The following SCUBE1 variants were observed in gnomAD, a reference collection of about 807,000 sequenced individuals.
SCUBE1 encodes signal peptide, CUB and EGF-like domain-containing protein 1.
In SCUBE1, 59 loss-of-function variants were observed where a neutral mutation model predicts 124.4. The observed-to-expected ratio is 0.47, with a 90% CI of 0.38 to 0.59. SCUBE1 has a LOEUF of 0.59. SCUBE1 is among the 20% of genes least tolerant of loss of function. SCUBE1 has a pLI of 0.00. For synonymous variants in SCUBE1, 545 were observed against 550.9 expected (o/e 0.99, Z 0.15); for missense variants, 1,150 against 1,371.2 (o/e 0.84, Z 2.55).
chr22:43,293,461 G>GC (rs1361706265), intron 3 of SCUBE1, among the ~76,000 whole-genome samples: 2 of 152,232 alleles, frequency 1.3e-5, no homozygotes, highest in African/African-American at 4.8e-5. Context: ...CTGCGTCAGC[G>GC]CATGTGCTCA....
intron 4 of SCUBE1, among the ~76,000 whole-genome samples, chr22:43,266,191 C>T (rs960600229): frequency 4.6e-5 from 7 of 152,024 alleles, no homozygotes; most frequent in Admixed American, 1.3e-4. Context: ...CCTGAGATGC[C>T]CCAGTCAGGC....
At chr22:43,303,793 A>G (rs1409701954) in intron 3 of SCUBE1, among the ~76,000 whole-genome samples, 2 of 152,274 alleles carry the variant, frequency 1.3e-5, no homozygotes, top group East Asian at 1.9e-4. Flanking sequence ...AAGCTGATCA[A>G]CAATCCTACA....
At chr22:43,301,182 C>T (rs998960815) in intron 3 of SCUBE1, among the ~76,000 whole-genome samples, 3 of 152,160 alleles carry the variant, frequency 2.0e-5, no homozygotes, top group South Asian at 2.1e-4. Flanking sequence ...ACAACACATT[C>T]GCTCCCCTCC....
At chr22:43,309,441 C>T (rs192740971) in intron 3 of SCUBE1, among the ~76,000 whole-genome samples, 303 of 152,136 alleles carry the variant, frequency 2.0e-3, no homozygotes, top group Middle Eastern at 0.014. Flanking sequence ...CTTGAGGGCC[C>T]GAAATAAGGC....
rs142543952 is a variant in SCUBE1 at position 43,313,178 on chromosome 22, C to T, written c.349+6759G>A. On this transcript the variant is annotated intron_variant, in intron 3 of 21. Transcript: ENST00000360835. ...GCTCCCGAATCTCACTCAAGTAGGA[C>T]GGTCTACCCAGCACAAGGCTGGGCA... Among the ~76,000 whole-genome samples the T allele has an allele frequency of 6.0e-3, 917 of 152,284 alleles. 7 individuals are homozygous for T. The highest frequency in any genetic ancestry group is 0.019 in the African/African-American group (810 of 41,558).
chr22:43,285,322 T>C (rs1376138519), intron 4 of SCUBE1, among the ~76,000 whole-genome samples: 2 of 152,192 alleles, frequency 1.3e-5, no homozygotes, highest in Non-Finnish European at 2.9e-5. Context: ...CTCACCACCC[T>C]GCCTTGTTCC....
chr22:43,198,950 T>C lies in SCUBE1; in HGVS notation c.*5047A>G, dbSNP rs2039859486. ...GGGCAGTTTGTCTGTCTGTCTGCTG[T>C]CCGGGGCAGTTTTTCTGTCTGCTGT... On this transcript the variant is annotated 3_prime_UTR_variant, in exon 22 of 22. Transcript: ENST00000360835. 1 of 365,632 alleles carries C rather than the reference T, an allele frequency of 2.7e-6. No homozygotes were observed. The highest frequency in any genetic ancestry group is 5.3e-6 in the Non-Finnish European group (1 of 188,128). 22.6% of individuals were successfully genotyped at this position (365,632 alleles called of 1,614,324 possible).
chr22:43,225,727 T>C (rs971031396), intron 10 of SCUBE1, among the ~76,000 whole-genome samples: 5 of 152,014 alleles, frequency 3.3e-5, no homozygotes, highest in Non-Finnish European at 7.4e-5. Context: ...AGAAACTAAA[T>C]GTGTCAGCCT....
At chr22:43,333,986 T>C (rs1411648749) in intron 2 of SCUBE1, among the ~76,000 whole-genome samples, 1 of 152,226 alleles carries the variant, frequency 6.6e-6, no homozygotes, top group Non-Finnish European at 1.5e-5. Context: ...CGGGGCATGC[T>C]CTGCTGAGAG....
intron 1 of SCUBE1, among the ~76,000 whole-genome samples, chr22:43,342,867 C>A (rs1392542254): frequency 2.0e-5 from 3 of 151,772 alleles, no homozygotes; most frequent in African/African-American, 7.3e-5. Context: ...CCGCCCCGCC[C>A]AGGTCCGCAC....
chr22:43,229,536 G>A (rs1334013157), intron 8 of SCUBE1, among the ~76,000 whole-genome samples: 1 of 152,164 alleles, frequency 6.6e-6, no homozygotes, highest in Non-Finnish European at 1.5e-5. Flanking sequence ...ATCCACGCCT[G>A]CAGGAAACGG....
intron 6 of SCUBE1, among the ~76,000 whole-genome samples, chr22:43,250,770 C>T (rs1923412256): frequency 6.6e-6 from 1 of 152,206 alleles, no homozygotes; most frequent in African/African-American, 2.4e-5. Flanking sequence ...GCCTGCAGCT[C>T]AGGCCCCACT....
At chr22:43,257,518 G>A (rs1241230139) in intron 6 of SCUBE1, among the ~76,000 whole-genome samples, 1 of 152,218 alleles carries the variant, frequency 6.6e-6, no homozygotes, top group Non-Finnish European at 1.5e-5. Context: ...GGACCAGGAG[G>A]AAGGAGGTGA....
At chr22:43,231,440 A>C (rs1922547478) in intron 8 of SCUBE1, among the ~76,000 whole-genome samples, 1 of 152,228 alleles carries the variant, frequency 6.6e-6, no homozygotes, top group Non-Finnish European at 1.5e-5. Flanking sequence ...CCCACCTCCG[A>C]AGCCAGAGGA....
In SCUBE1 at chr22:43,221,202, G is replaced by C. The variant is rs769635416; in HGVS notation, c.1520C>G (p.Ala507Gly). The change falls in exon 13 of 22, where the codon GCA (alanine) becomes GGA (glycine). Residue 507 changes from alanine to glycine, a missense_variant. Physicochemically the swap from Ala to Gly is moderately conservative, Grantham distance 60. This residue lies in a region of SCUBE1 where 757 missense variants were observed against 840.9 expected (regional missense o/e 0.90). Coordinates refer to ENST00000360835, the MANE Select transcript of SCUBE1 (RefSeq NM_173050.5). ...CHLRPHSQAR[A>G]KETARQPLLD... ...CAGCGGCTGCCTGGCGGTCTCCTTT[G>C]CTCGTGCCTGGCTGTGGGGCCGGAG... 8 of 1,611,076 alleles carry C rather than the reference G, an allele frequency of 5.0e-6. No homozygotes were observed. Among genetic ancestry groups the C allele is most frequent in the Middle Eastern group, 1.7e-4 (1 of 6,048 alleles).
intron 16 of SCUBE1, among the ~76,000 whole-genome samples, chr22:43,213,848 T>TGCA (rs1921679974): frequency 6.6e-6 from 1 of 151,588 alleles, no homozygotes; most frequent in Non-Finnish European, 1.5e-5. Flanking sequence ...CCGAGTGCAG[T>TGCA]GCAGCGCTCA....
Position 43,218,287 on chromosome 22 carries a change from C to T in SCUBE1, c.1859G>A (p.Gly620Asp). The T allele has an allele frequency of 6.2e-7, 1 of 1,613,196 alleles. No homozygotes were observed. The highest frequency in any genetic ancestry group is 1.3e-5 in the African/African-American group (1 of 75,046). Residue 620 changes from glycine to aspartate, a missense_variant, in exon 15 of 22, where the codon GGC (glycine) becomes GAC (aspartate). Gly to Asp is a moderately conservative substitution (Grantham distance 94, BLOSUM62 -1). Transcript: ENST00000360835. ...AKALEGQGAC[G>D]AGQVLQDSKC... ...GCTGTCCTGTAGCACCTGGCCTGCG[C>T]CACATGCCCCCTGCCCCTCCAGCGC...
At chr22:43,232,269 G>T (rs1922585511) in intron 7 of SCUBE1, 1 of 194,568 alleles carries the variant, frequency 5.1e-6, no homozygotes, top group Non-Finnish European at 1.1e-5. Flanking sequence ...GGAGCAGGCA[G>T]GCACCACTTC....
intron 1 of SCUBE1, among the ~76,000 whole-genome samples, chr22:43,342,371 T>G (rs1429810436): frequency 6.6e-6 from 1 of 152,008 alleles, no homozygotes; most frequent in Non-Finnish European, 1.5e-5. Flanking sequence ...CTCTCCTCCC[T>G]GTGTCTGTCC....
Sources: allele counts gnomAD v4.1 joint callset (sites outside exome capture counted in the v4.1 genomes callset), GRCh38; gene constraint gnomAD v4.1.1; regional missense constraint gnomAD v4.1.1; transcripts MANE v1.5; gene names NCBI Gene and HGNC (gene_info 2026-07-23, HGNC 2026-07-21).